The following WNT3 variants were observed in gnomAD, a reference collection of about 807,000 sequenced individuals.
The protein encoded by WNT3 is Wnt family member 3, also known as proto-oncogene Wnt-3.
A neutral mutation model predicts 34.2 loss-of-function variants in WNT3; 7 were observed. The observed-to-expected ratio is 0.20, with a 90% CI of 0.12 to 0.38. The LOEUF (loss-of-function observed/expected upper bound fraction) is 0.38, where lower values mean the gene tolerates loss of function less well. WNT3 is among the 10% of genes least tolerant of loss of function. The pLI is 1.00. For missense variants in WNT3, 267 were observed against 499.8 expected (o/e 0.53, Z 4.44); for synonymous variants, 212 against 211.5 (o/e 1.00, Z -0.02).
intron 1 of WNT3, among the ~76,000 whole-genome samples, chr17:46,792,168 A>C (rs2083995964): frequency 6.6e-6 from 1 of 152,272 alleles, no homozygotes; most frequent in East Asian, 1.9e-4. Flanking sequence ...GTCAGTGCAC[A>C]TTAGCCCCAG....
intron 1 of WNT3, among the ~76,000 whole-genome samples, chr17:46,796,499 A>G (rs927452940): frequency 6.6e-6 from 1 of 152,196 alleles, no homozygotes; most frequent in Non-Finnish European, 1.5e-5. Context: ...GAGGCTGAAG[A>G]CTTAACCACA....
intron 1 of WNT3, among the ~76,000 whole-genome samples, chr17:46,816,965 T>C (rs1218207858): frequency 1.3e-5 from 2 of 152,190 alleles, no homozygotes; most frequent in Non-Finnish European, 2.9e-5. Context: ...CTGGCTGCCC[T>C]GGCCACCCCA....
At chr17:46,797,266 T>A (rs1247827202) in intron 1 of WNT3, among the ~76,000 whole-genome samples, 1 of 152,184 alleles carries the variant, frequency 6.6e-6, no homozygotes. Context: ...GATGTCCTAC[T>A]CTGGCCCAAG....
intron 1 of WNT3, among the ~76,000 whole-genome samples, chr17:46,817,247 C>T (rs1050436983): frequency 6.6e-6 from 1 of 152,188 alleles, no homozygotes; most frequent in Non-Finnish European, 1.5e-5. Flanking sequence ...TCTGGGTTGG[C>T]GAAAGGCAGG....
intron 1 of WNT3, among the ~76,000 whole-genome samples, chr17:46,787,249 C>T (rs1330287551): frequency 4.7e-5 from 7 of 150,326 alleles, no homozygotes; most frequent in Admixed American, 2.7e-4. Context: ...CCAATAAAGA[C>T]CTGTTGAAGA....
In WNT3 at chr17:46,774,978, G is replaced by T. The variant is rs181448283; in HGVS notation, c.81-1069C>A. On this transcript the variant is annotated intron_variant, in intron 1 of 4. Transcript: ENST00000225512. Reference sequence around the variant, plus strand: ...CCCTCTGTGTCCAGCACTGACCAAGGCTTTGGTCCAGCATTGGCCTAAGTC... The same window carrying T: ...CCCTCTGTGTCCAGCACTGACCAAGTCTTTGGTCCAGCATTGGCCTAAGTC... 1.1e-4 allele frequency among the ~76,000 whole-genome samples: 17 copies of T among 152,274 alleles called. No homozygotes were observed. In the East Asian group the frequency reaches 3.3e-3, roughly 29 times the overall value.
chr17:46,789,008 A>C (rs1473060003), intron 1 of WNT3, among the ~76,000 whole-genome samples: 1 of 152,224 alleles, frequency 6.6e-6, no homozygotes, highest in East Asian at 1.9e-4. Context: ...GCTCACTCTT[A>C]GAGCAGCTCC....
chr17:46,798,752 A>G (rs2084085562), intron 1 of WNT3, among the ~76,000 whole-genome samples: 1 of 152,132 alleles, frequency 6.6e-6, no homozygotes, highest in East Asian at 1.9e-4. Context: ...TGGAACCCCC[A>G]TAAAAATCCC....
At chr17:46,767,370 T>C (rs923283774) in intron 4 of WNT3, among the ~76,000 whole-genome samples, 1 of 152,190 alleles carries the variant, frequency 6.6e-6, no homozygotes, top group African/African-American at 2.4e-5. Context: ...TGTCAGGATA[T>C]GGGCTTATAT....
intron 1 of WNT3, among the ~76,000 whole-genome samples, chr17:46,787,164 C>T (rs1028431844): frequency 6.6e-6 from 1 of 152,082 alleles, no homozygotes; most frequent in Non-Finnish European, 1.5e-5. Context: ...GGGTTTCGAA[C>T]TCCTGGGCCC....
chr17:46,793,088 G>A (rs574960877), intron 1 of WNT3, among the ~76,000 whole-genome samples: 1 of 130,450 alleles, frequency 7.7e-6, no homozygotes, highest in South Asian at 2.7e-4. Context: ...GAGAAAGCAA[G>A]ACCTTGTTTC....
chr17:46,770,210 C>T (rs1214859297), intron 2 of WNT3, among the ~76,000 whole-genome samples, 162 bp from the exon 3 acceptor site: 2 of 152,206 alleles, frequency 1.3e-5, no homozygotes, highest in Non-Finnish European at 2.9e-5. Flanking sequence ...CCCTCTTTGG[C>T]TGGTTTAGAC....
rs1412797753 is a variant in WNT3, at chr17:46,800,939, G to A, written c.80+17579C>T. On this transcript the variant is annotated intron_variant, in intron 1 of 4. Transcript: ENST00000225512. The stretch of plus-strand genomic sequence containing the variant: ...TGTAGTCATCCCAAGAGAAGGCAGG[G>A]GGTAGCACAGAGGCACGGAGAAGTG... 5.3e-5 allele frequency among the ~76,000 whole-genome samples: 8 copies of A among 152,214 alleles called. No homozygotes were observed. In the South Asian group the frequency reaches 1.5e-3, roughly 28 times the overall value.
intron 1 of WNT3, among the ~76,000 whole-genome samples, chr17:46,786,266 G>A (rs2059505779): frequency 1.3e-5 from 2 of 152,138 alleles, no homozygotes; most frequent in Non-Finnish European, 2.9e-5. Context: ...GGAAGAAGGA[G>A]GAGGACAGGA....
intron 1 of WNT3, among the ~76,000 whole-genome samples, chr17:46,781,232 C>CAAAAAAA (rs376907784): frequency 6.9e-6 from 1 of 143,938 alleles, no homozygotes; most frequent in South Asian, 2.2e-4. Context: ...TCCCCCCAAC[C>CAAAAAAA]AAAAAAAAAA....
chr17:46,790,235 A>G (rs1291690966), intron 1 of WNT3, among the ~76,000 whole-genome samples: 1 of 152,066 alleles, frequency 6.6e-6, no homozygotes, highest in Non-Finnish European at 1.5e-5. Context: ...GTTTGCAAAC[A>G]TGCACTCAGC....
chr17:46,810,518 T>C (rs1426375581), intron 1 of WNT3, among the ~76,000 whole-genome samples: 1 of 152,122 alleles, frequency 6.6e-6, no homozygotes, highest in Non-Finnish European at 1.5e-5. Context: ...CACCTGAAGC[T>C]CTTCACGGCC....
intron 1 of WNT3, 113 bp from the exon 2 acceptor site, chr17:46,774,022 G>T: frequency 1.4e-6 from 2 of 1,451,890 alleles, no homozygotes; most frequent in Non-Finnish European, 9.3e-7. Flanking sequence ...GAGGGCCTGT[G>T]CCCTGGCACC....
intron 1 of WNT3, among the ~76,000 whole-genome samples, chr17:46,787,617 G>A (rs558339941): frequency 2.6e-5 from 4 of 152,316 alleles, no homozygotes; most frequent in Admixed American, 1.3e-4. Flanking sequence ...TCTGAAGGCT[G>A]GGCCTCATTC....
Sources: allele counts gnomAD v4.1 joint callset (sites outside exome capture counted in the v4.1 genomes callset), GRCh38; gene constraint gnomAD v4.1.1; transcripts MANE v1.5; gene names NCBI Gene and HGNC (gene_info 2026-07-23, HGNC 2026-07-21).